Variants in CARMIL3 observed in about 807,000 individuals in gnomAD.
CARMIL3 encodes capping protein regulator and myosin 1 linker 3, also known as capping protein, Arp2/3 and myosin-I linker protein 3.
CARMIL3 carries 88 observed loss-of-function variants against 180.8 expected under a neutral mutation model. That is an observed-to-expected ratio of 0.49 (90% CI 0.41 to 0.58). The LOEUF is 0.58. Among genes scored for constraint, CARMIL3 ranks in the 20% least tolerant of loss-of-function variants. The pLI is 0.00. For synonymous variants in CARMIL3, 696 were observed against 714.5 expected, an observed-to-expected ratio of 0.97 and a Z score of 0.41; for missense variants, 1,548 against 1,787.0, an observed-to-expected ratio of 0.87 and a Z score of 2.41.
rs965746177 is a variant in CARMIL3, at chr14:24,061,953, G to A, written c.2480+281G>A. ...AGGAATGGGATAGCAGGGCCTCCTC[G>A]GAGGCATGGACAAAGAAAAGTACCT... On this transcript the variant is annotated intron_variant, in intron 27 of 39. Transcript: ENST00000342740. This position sits in a 1 kb window ranked among gnomAD's most constrained non-coding sequence, Gnocchi z 4.1. The A allele has an allele frequency of 4.2e-5, 17 of 400,482 alleles. No homozygotes were observed. Among genetic ancestry groups the A allele is most frequent in the Admixed American group, 1.2e-4 (3 of 24,040 alleles). The allele number at this position is 400,482 out of a possible 1,614,324, so 24.8% of individuals were successfully genotyped here. A position where few individuals can be genotyped will look rare whatever the true frequency, so the allele number is the denominator to read the frequency against.
At position 24,059,061 on chromosome 14, in the gene CARMIL3, T is replaced by G; in HGVS notation, c.1572-74T>G. On this transcript the variant is annotated intron_variant, in intron 19 of 39. Coordinates refer to ENST00000342740, the MANE Select transcript of CARMIL3 (RefSeq NM_138360.4). This position sits in a 1 kb window ranked among gnomAD's most constrained non-coding sequence, Gnocchi z 6.3. The stretch of plus-strand genomic sequence containing the variant: ...TCCTCTTGGCTCACCGTATTACCTC[T>G]GGCCACCTCTCTCCTCCTCCAATAG... 6.3e-7 allele frequency: 1 copy of G among 1,592,086 alleles called. No individual in the cohort carries two copies.
chr14:24,063,080 G>A (rs757053636), intron 29 of CARMIL3, 40 bp from the exon 30 acceptor site: 10 of 1,604,572 alleles, frequency 6.2e-6, no homozygotes, highest in South Asian at 1.1e-5. Context: ...ATGGCTCTGG[G>A]TGAGGTGCCT....
chr14:24,055,390 G>A (rs1345897298), intron 8 of CARMIL3, 80 bp downstream of exon 8: 9 of 1,544,734 alleles, frequency 5.8e-6, no homozygotes, highest in Non-Finnish European at 6.3e-6. Context: ...GTGCCCTTCT[G>A]GTCCCACAGC....
Position 24,060,658 on chromosome 14 carries a change from G to C in CARMIL3, c.2092G>C (p.Glu698Gln). The change falls in exon 25 of 40, where the codon GAG (glutamate) becomes CAG (glutamine). Residue 698 changes from glutamate to glutamine, a missense_variant. Physicochemically the swap from Glu to Gln is conservative, Grantham distance 29 (BLOSUM62 2). This residue lies in a region of CARMIL3 where 297 missense variants were observed against 415.9 expected (regional missense o/e 0.71). Coordinates refer to ENST00000342740, the MANE Select transcript of CARMIL3 (RefSeq NM_138360.4). ...MLQRLCGRVQ[E>Q]EVRALRLCPL... Reference sequence around the variant, plus strand: ...GCAGCGGCTGTGTGGACGAGTGCAGGAGGAGGTGCGGGCCCTGAGACTATG... The same window carrying C: ...GCAGCGGCTGTGTGGACGAGTGCAGCAGGAGGTGCGGGCCCTGAGACTATG... The C allele has an allele frequency of 6.2e-7, 1 of 1,614,012 alleles. No homozygotes were observed. The highest frequency in any genetic ancestry group is 1.3e-5 in the African/African-American group (1 of 75,020).
At position 24,062,206 on chromosome 14, in the gene CARMIL3, G is replaced by C. The variant is rs1378353968; in HGVS notation, c.2481-274G>C. On this transcript the variant is annotated intron_variant, in intron 27 of 39. Transcript: ENST00000342740. ...TAGCTCTGTTCCACTGGGGCTCCAG[G>C]GGCCTGACCTAGGGCCCCCTTGCTC... 2.4e-5 allele frequency: 13 copies of C among 546,434 alleles called. No individual in the cohort carries two copies. In the East Asian group the frequency reaches 3.7e-4, roughly 16 times the overall value. The allele number at this position is 546,434 out of a possible 1,614,324, so 33.8% of individuals were successfully genotyped here. A position where few individuals can be genotyped will look rare whatever the true frequency, so the allele number is the denominator to read the frequency against.
chr14:24,057,057 G>C (rs1387293574), intron 13 of CARMIL3, 33 bp downstream of exon 13: 1 of 1,605,814 alleles, frequency 6.2e-7, no homozygotes, highest in Non-Finnish European at 8.5e-7. Context: ...GCCCCCTGCA[G>C]AAAGCATGCT....
At position 24,061,464 on chromosome 14, in the gene CARMIL3, T is replaced by C. The variant is rs1208408402; in HGVS notation, c.2305-33T>C. Reference sequence around the variant, plus strand: ...GGTGCCAGCCCTGATCCTGTCCCCCTTGGGCCTCTGGCCTCCCTTTCCCCC... The same window carrying C: ...GGTGCCAGCCCTGATCCTGTCCCCCCTGGGCCTCTGGCCTCCCTTTCCCCC... On this transcript the variant is annotated intron_variant, in intron 26 of 39. Coordinates refer to ENST00000342740, the MANE Select transcript of CARMIL3 (RefSeq NM_138360.4). This position sits in a 1 kb window ranked among gnomAD's most constrained non-coding sequence, Gnocchi z 4.1. 1 of 1,599,382 alleles carries C rather than the reference T, an allele frequency of 6.3e-7. No homozygotes were observed. The highest frequency in any genetic ancestry group is 8.5e-7 in the Non-Finnish European group (1 of 1,171,862).
intron 1 of CARMIL3, among the ~76,000 whole-genome samples, chr14:24,053,451 C>T (rs968410602): frequency 1.3e-5 from 2 of 152,250 alleles, no homozygotes; most frequent in Non-Finnish European, 2.9e-5. Flanking sequence ...CAGCAACCGT[C>T]CCCTGACTCA....
Position 24,057,822 on chromosome 14 carries a change from A to C in CARMIL3, c.1160A>C (p.His387Pro). ...CCACAGCTTCTCGGTGCCCTGCTCC[A>C]CGGCTGCTGCTCCCACCTCACCTAC... is the stretch of plus-strand genomic sequence containing the variant. ...VIDLLLGALL[H>P]GCCSHLTYLN... Residue 387 changes from histidine to proline, a missense_variant, in exon 15 of 40, where the codon CAC (histidine) becomes CCC (proline). His to Pro is a moderately conservative substitution (Grantham distance 77). Around this residue, in one of 4 missense-constraint regions of CARMIL3, gnomAD observed 578 missense variants for 666.5 expected, o/e 0.87. Transcript: ENST00000342740. The C allele has an allele frequency of 6.2e-7, 1 of 1,607,494 alleles. No homozygotes were observed. Among genetic ancestry groups the C allele is most frequent in the Non-Finnish European group, 8.5e-7 (1 of 1,178,842 alleles).
chr14:24,060,523 C>T (rs1432757401), intron 24 of CARMIL3, 105 bp from the exon 25 acceptor site: 2 of 1,504,070 alleles, frequency 1.3e-6, no homozygotes, highest in Admixed American at 1.9e-5. Flanking sequence ...AGAGACATCA[C>T]CTCCACCACT....
At position 24,059,260 on chromosome 14, in the gene CARMIL3, G is replaced by A; in HGVS notation, c.1627-10G>A. 6.2e-7 allele frequency: 1 copy of A among 1,613,806 alleles called. No individual in the cohort carries two copies. Among genetic ancestry groups the A allele is most frequent in the African/African-American group, 1.3e-5 (1 of 75,018 alleles). ...TGGGGACTGGGTCCAACCGCCCCTT[G>A]CCCACACAGTCCCTGCAGTCACTGT... On this transcript the variant is annotated splice_polypyrimidine_tract_variant and intron_variant, in intron 20 of 39. Transcript: ENST00000342740. This position sits in a 1 kb window ranked among gnomAD's most constrained non-coding sequence, Gnocchi z 6.3.
intron 1 of CARMIL3, among the ~76,000 whole-genome samples, 173 bp downstream of exon 1, chr14:24,052,366 C>T (rs888231762): frequency 6.6e-6 from 1 of 152,232 alleles, no homozygotes; most frequent in African/African-American, 2.4e-5. Flanking sequence ...GGAGCATCCT[C>T]CGCTGCCTGC....
intron 32 of CARMIL3, 139 bp downstream of exon 32, chr14:24,064,485 C>A: frequency 1.5e-6 from 1 of 676,554 alleles, no homozygotes; most frequent in Admixed American, 2.3e-5. Flanking sequence ...CCCACATTCT[C>A]ATCCTTCCCC....
At chr14:24,068,224 C>T (rs2035809740) in intron 36 of CARMIL3, among the ~76,000 whole-genome samples, 1 of 152,124 alleles carries the variant, frequency 6.6e-6, no homozygotes, top group Non-Finnish European at 1.5e-5. Flanking sequence ...CGGTGAAACC[C>T]TGTCTCTACT....
chr14:24,062,824 A>T lies in CARMIL3; in HGVS notation c.2684A>T (p.Asp895Val), dbSNP rs1308430147. Residue 895 changes from aspartate (D) to valine (V), a missense_variant, in exon 29 of 40, where the codon GAT becomes GTT. Physicochemically the swap from Asp to Val is radical, Grantham distance 152. Transcript: ENST00000342740. ...AACCATGACCATGAGGAGACCACAG[A>T]TGATGAACTTGGGACCAACATTGTG... ...GRNHDHEETT[D>V]DELGTNIDTM... 6.2e-7 allele frequency: 1 copy of T among 1,611,324 alleles called. No homozygotes were observed. Among genetic ancestry groups the T allele is most frequent in the Non-Finnish European group, 8.5e-7 (1 of 1,178,828 alleles).
intron 13 of CARMIL3, 35 bp from the exon 14 acceptor site, chr14:24,057,132 C>T (rs1257831669): frequency 6.2e-7 from 1 of 1,607,878 alleles, no homozygotes; most frequent in South Asian, 1.1e-5. Flanking sequence ...CTCCATCATC[C>T]CTTCCCCTGC....
intron 36 of CARMIL3, among the ~76,000 whole-genome samples, chr14:24,067,547 CT>C (rs2035799488): frequency 6.6e-6 from 1 of 152,274 alleles, no homozygotes; most frequent in Admixed American, 6.5e-5. Context: ...CATTCTGCAT[CT>C]GCCCCTCTCT....
At position 24,063,463 on chromosome 14, in the gene CARMIL3, A is replaced by C; in HGVS notation, c.2909A>C (p.Lys970Thr). 1 of 1,613,804 alleles carries C rather than the reference A, an allele frequency of 6.2e-7. No individual in the cohort carries two copies. Among genetic ancestry groups the C allele is most frequent in the Non-Finnish European group, 8.5e-7 (1 of 1,179,994 alleles). The change falls in exon 31 of 40, where the codon AAA becomes ACA. Residue 970 changes from lysine to threonine, a missense_variant. Physicochemically the swap from Lys to Thr is moderately conservative, Grantham distance 78 (BLOSUM62 -1). This residue lies in a region of CARMIL3 where 668 missense variants were observed against 687.8 expected (regional missense o/e 0.97). Transcript: ENST00000342740. The stretch of plus-strand genomic sequence containing the variant: ...TCTGAGCTGCCCACTCATGGTTACA[A>C]ACTAAGGCATCAAACACAAGGGAGG... ...GLSELPTHGY[K>T]LRHQTQGRPR...
chr14:24,058,722 G>A lies in CARMIL3; in HGVS notation c.1435G>A (p.Ala479Thr), dbSNP rs758184932. The change falls in exon 18 of 40, where the codon GCT becomes ACT. Residue 479 changes from alanine to threonine, a missense_variant. Ala to Thr is a moderately conservative substitution (Grantham distance 58, BLOSUM62 0). This residue lies in a region of CARMIL3 where 578 missense variants were observed against 666.5 expected (regional missense o/e 0.87). Transcript: ENST00000342740. The surrounding 1 kb of genome is among the most constrained non-coding windows in gnomAD (Gnocchi z 6.4). Reference sequence around the variant, plus strand: ...CCAAGCCTTGCAGGAGCAGCTGGGAGCTGTCACCTGTGTAGGCAGCCTGGA... The same window carrying A: ...CCAAGCCTTGCAGGAGCAGCTGGGAACTGTCACCTGTGTAGGCAGCCTGGA... ...GAQALQEQLG[A>T]VTCVGSLDLS... The A allele has an allele frequency of 1.2e-6, 2 of 1,614,162 alleles. No individual in the cohort carries two copies. The highest frequency in any genetic ancestry group is 1.1e-5 in the South Asian group (1 of 91,086).
Sources: gnomAD v4.1 joint callset for allele counts (sites outside exome capture counted in the v4.1 genomes callset) on GRCh38, gnomAD v4.1.1 for gene constraint, gnomAD v4.1.1 regional missense constraint, Gnocchi (gnomAD v3.1) non-coding constraint, MANE v1.5 for transcripts, NCBI Gene and HGNC (gene_info 2026-07-23, HGNC 2026-07-21) for gene names.